The following VPS13B variants were observed in gnomAD, a reference collection of about 807,000 sequenced individuals.
VPS13B encodes the protein intermembrane lipid transfer protein VPS13B.
A neutral mutation model predicts 426.4 loss-of-function variants in VPS13B; 285 were observed. That is an observed-to-expected ratio of 0.67 (90% CI 0.61 to 0.74). The LOEUF (loss-of-function observed/expected upper bound fraction) is 0.74, where lower values mean the gene tolerates loss of function less well. VPS13B is among the 30% of genes least tolerant of loss of function. The probability of loss-of-function intolerance (pLI) is 0.00; values close to 1 mark genes in which losing one functional copy is unlikely to be tolerated. For missense variants in VPS13B, 4,537 were observed against 4,782.6 expected (o/e 0.95, Z 1.51); for synonymous variants, 1,676 against 1,676.4 (o/e 1.00, Z 0.01).
At chr8:99,224,884 A>G (rs1815926378) in intron 17 of VPS13B, among the ~76,000 whole-genome samples, 1 of 152,178 alleles carries the variant, frequency 6.6e-6, no homozygotes, top group African/African-American at 2.4e-5. Context: ...ATTTTCTTAG[A>G]TTCAAAGTTC....
intron 19 of VPS13B, among the ~76,000 whole-genome samples, chr8:99,332,397 T>A (rs1392528338): frequency 6.6e-6 from 1 of 151,744 alleles, no homozygotes; most frequent in African/African-American, 2.4e-5. Flanking sequence ...AATCTTTTCA[T>A]ATATGGCCAC....
intron 15 of VPS13B, among the ~76,000 whole-genome samples, chr8:99,163,103 G>A (rs1167308961): frequency 6.6e-6 from 1 of 152,104 alleles, no homozygotes; most frequent in Non-Finnish European, 1.5e-5. Flanking sequence ...GCTGACTGGT[G>A]TGTTTACAAA....
chr8:99,549,184 G>A (rs1181036678), intron 30 of VPS13B, among the ~76,000 whole-genome samples: 1 of 152,074 alleles, frequency 6.6e-6, no homozygotes, highest in Non-Finnish European at 1.5e-5. Flanking sequence ...AAAGTAAGAG[G>A]TCTATTGCAT....
chr8:99,877,190 GCATAAGAAGT>G lies in VPS13B; in HGVS notation c.*1527_*1536del. 1 of 152,116 alleles carries G rather than the reference GCATAAGAAGT, an allele frequency of 6.6e-6. No homozygotes were observed. Among genetic ancestry groups the G allele is most frequent in the South Asian group, 2.1e-4 (1 of 4,832 alleles). 9.4% of individuals were successfully genotyped at this position (152,116 alleles called of 1,614,324 possible). On this transcript the variant is annotated 3_prime_UTR_variant, in exon 62 of 62. Coordinates refer to ENST00000357162, the MANE Select transcript of VPS13B (RefSeq NM_152564.5). ...CTGATCTTTAACTCTCACATGTTGG[GCATAAGAAGT>G]CACTATATAATTGTTACTGGAAAGC...
At chr8:99,202,284 A>G (rs1015299640) in intron 17 of VPS13B, among the ~76,000 whole-genome samples, 2 of 152,216 alleles carry the variant, frequency 1.3e-5, no homozygotes. Context: ...GTTTGAACTT[A>G]GTGAAGAAAG....
intron 29 of VPS13B, among the ~76,000 whole-genome samples, chr8:99,520,653 T>C (rs1822331934): frequency 6.6e-6 from 1 of 151,986 alleles, no homozygotes. Context: ...GGGAGTGGAG[T>C]TGTTTTTCTT....
At chr8:99,426,024 T>C (rs552710350) in intron 21 of VPS13B, among the ~76,000 whole-genome samples, 33 of 150,402 alleles carry the variant, frequency 2.2e-4, no homozygotes, top group Non-Finnish European at 4.1e-4. Flanking sequence ...ACTCGTCATC[T>C]AGCATTAGGT....
At chr8:99,579,293 A>G (rs1487706870) in intron 33 of VPS13B, among the ~76,000 whole-genome samples, 2 of 152,244 alleles carry the variant, frequency 1.3e-5, no homozygotes, top group Non-Finnish European at 2.9e-5. Context: ...CTATGAATAT[A>G]AAGACATTTT....
chr8:99,432,153 T>C (rs1262271848), intron 22 of VPS13B, among the ~76,000 whole-genome samples: 1 of 152,136 alleles, frequency 6.6e-6, no homozygotes, highest in Non-Finnish European at 1.5e-5. Context: ...TTTTATCTTA[T>C]TGAATTACTT....
At chr8:99,733,324 G>A (rs1427790035) in intron 39 of VPS13B, among the ~76,000 whole-genome samples, 1 of 152,192 alleles carries the variant, frequency 6.6e-6, no homozygotes, top group African/African-American at 2.4e-5. Flanking sequence ...AGATTCTGGA[G>A]CTAAAGTCTC....
intron 34 of VPS13B, among the ~76,000 whole-genome samples, chr8:99,647,925 T>A (rs1372478504): frequency 1.3e-5 from 2 of 152,186 alleles, no homozygotes; most frequent in Non-Finnish European, 2.9e-5. Context: ...CAGGCAACTA[T>A]AATGAAGAGC....
At chr8:99,627,561 T>C (rs920275710) in intron 33 of VPS13B, among the ~76,000 whole-genome samples, 2 of 152,130 alleles carry the variant, frequency 1.3e-5, no homozygotes, top group Non-Finnish European at 2.9e-5. Flanking sequence ...TTTTTGTATT[T>C]TTGGTAGAGA....
At chr8:99,681,461 G>A (rs568765826) in intron 35 of VPS13B, among the ~76,000 whole-genome samples, 2 of 152,280 alleles carry the variant, frequency 1.3e-5, no homozygotes, top group East Asian at 1.9e-4. Context: ...ACTAACGTAC[G>A]TCTTGTACAG....
intron 21 of VPS13B, among the ~76,000 whole-genome samples, chr8:99,410,329 A>AT (rs1464370201): frequency 3.3e-5 from 5 of 152,024 alleles, no homozygotes; most frequent in Non-Finnish European, 2.9e-5. Flanking sequence ...TACCAGTTGC[A>AT]TTTTTTGTGT....
intron 19 of VPS13B, among the ~76,000 whole-genome samples, chr8:99,352,147 A>G (rs1811926685): frequency 6.6e-6 from 1 of 152,190 alleles, no homozygotes; most frequent in Admixed American, 6.5e-5. Context: ...TATAGAGGAA[A>G]TAGAGTGGAA....
chr8:99,317,779 A>G (rs1809754448), intron 19 of VPS13B, among the ~76,000 whole-genome samples: 1 of 152,168 alleles, frequency 6.6e-6, no homozygotes, highest in Non-Finnish European at 1.5e-5. Context: ...TTCTCTTTGA[A>G]TTGAGAGGTA....
At chr8:99,666,697 A>G (rs532198502) in intron 35 of VPS13B, among the ~76,000 whole-genome samples, 2 of 152,346 alleles carry the variant, frequency 1.3e-5, no homozygotes, top group South Asian at 2.1e-4. Context: ...TCCACAGCCA[A>G]TATCATACTG....
At chr8:99,191,444 C>T (rs1192834893) in intron 16 of VPS13B, among the ~76,000 whole-genome samples, 4 of 134,240 alleles carry the variant, frequency 3.0e-5, no homozygotes, top group African/African-American at 1.1e-4. Context: ...AATGCAGTAG[C>T]GCGATCTCGG....
At chr8:99,389,886 A>G (rs1317664463) in intron 20 of VPS13B, among the ~76,000 whole-genome samples, 1 of 152,156 alleles carries the variant, frequency 6.6e-6, no homozygotes, top group Non-Finnish European at 1.5e-5. Context: ...AGAGTATAAG[A>G]GGTTTTCTAG....
Sources: gnomAD v4.1 joint callset for allele counts (sites outside exome capture counted in the v4.1 genomes callset) on GRCh38, gnomAD v4.1.1 for gene constraint, MANE v1.5 for transcripts, NCBI Gene and HGNC (gene_info 2026-07-23, HGNC 2026-07-21) for gene names.